The following PLEKHG1 variants were observed in gnomAD, a reference collection of about 807,000 sequenced individuals.
PLEKHG1 encodes pleckstrin homology and RhoGEF domain containing G1.
Under a neutral mutation model 100.8 loss-of-function variants are expected in PLEKHG1, and 44 were observed. That is an observed-to-expected ratio of 0.44 (90% CI 0.34 to 0.56). The LOEUF (loss-of-function observed/expected upper bound fraction) is 0.56, where lower values mean the gene tolerates loss of function less well. Among genes scored for constraint, PLEKHG1 ranks in the 20% least tolerant of loss-of-function variants. The pLI is 0.01. For synonymous variants in PLEKHG1, 640 were observed against 662.5 expected (o/e 0.97, Z 0.52); for missense variants, 1,545 against 1,720.9 (o/e 0.90, Z 1.81).
Position 150,785,130 on chromosome 6 carries a change from G to T in PLEKHG1, c.513-1260G>T, listed in dbSNP as rs117387542. 2.7e-3 allele frequency among the ~76,000 whole-genome samples: 414 copies of T among 152,054 alleles called. 2 individuals are homozygous for T. Among genetic ancestry groups the T allele is most frequent in the Non-Finnish European group, 4.9e-3 (333 of 67,988 alleles). On this transcript the variant is annotated intron_variant, in intron 3 of 15. Transcript: ENST00000358517. ...CTGAGAGTAAATAATACCTAAAGTT[G>T]AAAAATAATGAAAACACATTATCAG...
chr6:150,676,884 T>C (rs1423524613), intron 3 of PLEKHG1, among the ~76,000 whole-genome samples: 2 of 152,136 alleles, frequency 1.3e-5, no homozygotes, highest in Non-Finnish European at 2.9e-5. Flanking sequence ...CCAAGGTGCC[T>C]TAACCACAAG....
chr6:150,690,601 G>A (rs9480533), intron 3 of PLEKHG1, among the ~76,000 whole-genome samples: 42,748 of 152,066 alleles, frequency 0.28, 7,317 homozygotes, highest in African/African-American at 0.48. Context: ...AGCACACTAA[G>A]ACATGCCCTT....
intron 3 of PLEKHG1, among the ~76,000 whole-genome samples, chr6:150,711,104 A>G (rs1781226794): frequency 6.6e-6 from 1 of 152,150 alleles, no homozygotes; most frequent in Non-Finnish European, 1.5e-5. Flanking sequence ...TCCAAAAATG[A>G]TGTCTTTTTA....
chr6:150,785,931 T>C (rs1490640243), intron 3 of PLEKHG1, among the ~76,000 whole-genome samples: 1 of 151,764 alleles, frequency 6.6e-6, no homozygotes, highest in African/African-American at 2.4e-5. Flanking sequence ...CCCAAAACCA[T>C]CCCCACAATC....
chr6:150,770,194 G>A (rs1402877086), intron 3 of PLEKHG1, among the ~76,000 whole-genome samples: 1 of 152,126 alleles, frequency 6.6e-6, no homozygotes, highest in African/African-American at 2.4e-5. Flanking sequence ...CTGTCATTTT[G>A]TGACTCAGCT....
chr6:150,737,201 G>A (rs73780100), intron 2 of PLEKHG1, among the ~76,000 whole-genome samples: 1,785 of 151,818 alleles, frequency 0.012, 36 homozygotes, highest in African/African-American at 0.041. Context: ...CACTTTTATC[G>A]AGTTCTTTTC....
intron 3 of PLEKHG1, among the ~76,000 whole-genome samples, chr6:150,783,937 G>A (rs1184862678): frequency 6.6e-6 from 1 of 152,056 alleles, no homozygotes; most frequent in Non-Finnish European, 1.5e-5. Flanking sequence ...TCTTGTTACT[G>A]CCTGACTTAC....
At position 150,683,454 on chromosome 6, in the gene PLEKHG1, G is replaced by A. The variant is rs1363560764; in HGVS notation, c.-99+32668G>A. On this transcript the variant is annotated intron_variant, in intron 3 of 3. Coordinates refer to the PLEKHG1 transcript ENST00000367326. This position sits in a 1 kb window ranked among gnomAD's most constrained non-coding sequence, Gnocchi z 4.0. ...GTTGAGCTGCTTCCCTTTGCATCTC[G>A]GGGGAAGGTGTGGTTCACCCGCAGC... 6.6e-6 allele frequency among the ~76,000 whole-genome samples: 1 copy of A among 151,980 alleles called. No individual in the cohort carries two copies. Among genetic ancestry groups the A allele is most frequent in the Non-Finnish European group, 1.5e-5 (1 of 67,986 alleles).
intron 4 of PLEKHG1, among the ~76,000 whole-genome samples, chr6:150,793,744 C>T (rs1786135030): frequency 6.6e-6 from 1 of 152,094 alleles, no homozygotes; most frequent in African/African-American, 2.4e-5. Flanking sequence ...TAAATCTGAG[C>T]AAGTCTCTAC....
intron 15 of PLEKHG1, among the ~76,000 whole-genome samples, chr6:150,832,432 A>G (rs1005337183): frequency 1.3e-5 from 2 of 152,220 alleles, no homozygotes; most frequent in Non-Finnish European, 2.9e-5. Context: ...TGTGCATGTA[A>G]CATCGTAACT....
At chr6:150,762,862 T>C (rs1784235701) in intron 2 of PLEKHG1, among the ~76,000 whole-genome samples, 1 of 152,136 alleles carries the variant, frequency 6.6e-6, no homozygotes, top group African/African-American at 2.4e-5. Context: ...AGTGGCTTAT[T>C]TGGAAGAAAG....
At chr6:150,818,336 G>A in intron 11 of PLEKHG1, 120 bp downstream of exon 12, 1 of 782,856 alleles carries the variant, frequency 1.3e-6, no homozygotes, top group Non-Finnish European at 2.2e-6. Flanking sequence ...TCTATTCACT[G>A]TTTTCACAAA....
intron 10 of PLEKHG1, among the ~76,000 whole-genome samples, chr6:150,817,859 G>A (rs375610910): frequency 6.6e-6 from 1 of 151,852 alleles, no homozygotes; most frequent in Admixed American, 6.6e-5. Flanking sequence ...ACCGCGCCCA[G>A]CCGAGAATCT....
At chr6:150,673,630 CCTTCTTTCCTTCCTTT>C (rs1779646855) in intron 3 of PLEKHG1, among the ~76,000 whole-genome samples, 1 of 151,526 alleles carries the variant, frequency 6.6e-6, no homozygotes, top group Admixed American at 6.6e-5. Flanking sequence ...TTCCTTCCTT[CCTTCTTTCCTTCCTTT>C]CTTTCCCTCT....
At chr6:150,771,802 A>G (rs1004999299) in intron 3 of PLEKHG1, among the ~76,000 whole-genome samples, 1 of 152,180 alleles carries the variant, frequency 6.6e-6, no homozygotes, top group Non-Finnish European at 1.5e-5. Flanking sequence ...CTAAAATTAA[A>G]GAGGGCATAA....
intron 2 of PLEKHG1, among the ~76,000 whole-genome samples, chr6:150,752,450 C>T (rs1783573939): frequency 6.6e-6 from 1 of 152,082 alleles, no homozygotes; most frequent in Non-Finnish European, 1.5e-5. Context: ...CTCCCCATTC[C>T]CCTCTCCCCA....
chr6:150,626,113 C>G (rs1005668882), intron 1 of PLEKHG1: 3 of 130,086 alleles, frequency 2.3e-5, no homozygotes, highest in African/African-American at 3.1e-5. Flanking sequence ...AAAGGCACCA[C>G]GATGGCAAGT....
intron 1 of PLEKHG1, chr6:150,626,120 A>T (rs1562391744): frequency 7.2e-6 from 1 of 138,678 alleles, no homozygotes; most frequent in Non-Finnish European, 1.5e-5. Context: ...CCACGATGGC[A>T]AGTAAGTTAT....
At chr6:150,798,470 G>T (rs1786488896) in intron 5 of PLEKHG1, among the ~76,000 whole-genome samples, 1 of 152,176 alleles carries the variant, frequency 6.6e-6, no homozygotes, top group African/African-American at 2.4e-5. Flanking sequence ...ATGGCAGGCT[G>T]CTTCAGAGCC....
Sources: allele counts gnomAD v4.1 joint callset (sites outside exome capture counted in the v4.1 genomes callset), GRCh38; gene constraint gnomAD v4.1.1; non-coding constraint Gnocchi (gnomAD v3.1); transcripts MANE v1.5; gene names NCBI Gene and HGNC (gene_info 2026-07-23, HGNC 2026-07-21).